Variants in ATXN2 observed in about 807,000 individuals in gnomAD.
The protein encoded by ATXN2 is ataxin-2.
A neutral mutation model predicts 138.6 loss-of-function variants in ATXN2; 37 were observed. That is an observed-to-expected ratio of 0.27 (90% CI 0.21 to 0.35). ATXN2 has a LOEUF of 0.35. Ranked by LOEUF, ATXN2 falls within the 10% of genes least tolerant of loss-of-function variation. The pLI is 1.00. For missense variants in ATXN2, 1,216 were observed against 1,480.3 expected, an observed-to-expected ratio of 0.82 and a Z score of 2.93; for synonymous variants, 549 against 543.7, an observed-to-expected ratio of 1.01 and a Z score of -0.13.
rs766981349 is a variant in ATXN2 at position 111,516,181 on chromosome 12, T to C, written c.1348A>G (p.Thr450Ala). The C allele has an allele frequency of 1.0e-5, 16 of 1,588,934 alleles. No homozygotes were observed. The highest frequency in any genetic ancestry group is 6.0e-6 in the Non-Finnish European group (7 of 1,173,180). Residue 450 changes from threonine to alanine, a missense_variant, in exon 10 of 25, where the codon ACT becomes GCT. By Grantham distance (58) the Thr-to-Ala change is moderately conservative (BLOSUM62 0). Around this residue, in one of 4 missense-constraint regions of ATXN2, gnomAD observed 401 missense variants for 528.1 expected, o/e 0.76. Coordinates refer to ENST00000673436, the MANE Select transcript of ATXN2 (RefSeq NM_001372574.1). This position sits in a 1 kb window ranked among gnomAD's most constrained non-coding sequence, Gnocchi z 5.0. Reference protein sequence around the residue: ...SAHGSPAPVSTMPKRMSSEGP... With the variant: ...SAHGSPAPVSAMPKRMSSEGP... ...TCTGAAGACATGCGTTTAGGCATAG[T>C]AGAGACAGGAGCTGGAGAACCATGA... is the stretch of plus-strand genomic sequence containing the variant.
At chr12:111,546,728 A>C (rs528152047) in intron 5 of ATXN2, among the ~76,000 whole-genome samples, 5 of 152,362 alleles carry the variant, frequency 3.3e-5, no homozygotes, top group Admixed American at 3.3e-4. Context: ...ATAACAGGAC[A>C]ATTCCAAAGA....
chr12:111,482,596 CT>C (rs1421385156), intron 18 of ATXN2, among the ~76,000 whole-genome samples: 1 of 151,984 alleles, frequency 6.6e-6, no homozygotes, highest in Non-Finnish European at 1.5e-5. Flanking sequence ...CTACAGTAAC[CT>C]TTTATATTTT....
At chr12:111,545,578 GAA>G (rs1299915117) in intron 5 of ATXN2, among the ~76,000 whole-genome samples, 1 of 151,758 alleles carries the variant, frequency 6.6e-6, no homozygotes, top group Non-Finnish European at 1.5e-5. Context: ...AAAAGAAAAA[GAA>G]AAAGAGAACA....
chr12:111,586,826 T>G (rs2135841649), intron 1 of ATXN2, among the ~76,000 whole-genome samples: 1 of 152,218 alleles, frequency 6.6e-6, no homozygotes, highest in East Asian at 1.9e-4. Context: ...CAGCTAAGTC[T>G]TTCAACTTTC....
At chr12:111,562,749 A>T (rs1882771271) in intron 1 of ATXN2, among the ~76,000 whole-genome samples, 1 of 149,590 alleles carries the variant, frequency 6.7e-6, no homozygotes, top group Admixed American at 6.7e-5. Context: ...AAAAAAATGT[A>T]GACAGAATGA....
intron 5 of ATXN2, among the ~76,000 whole-genome samples, chr12:111,548,811 C>T (rs917862587): frequency 5.3e-5 from 8 of 152,096 alleles, no homozygotes; most frequent in Admixed American, 2.0e-4. Flanking sequence ...CTCTGCCTCC[C>T]GGGTTCAAGC....
At chr12:111,567,579 C>A (rs1445216420) in intron 1 of ATXN2, among the ~76,000 whole-genome samples, 1 of 150,954 alleles carries the variant, frequency 6.6e-6, no homozygotes. Context: ...TTTGGGAGAC[C>A]AAGGCGGGCA....
chr12:111,561,957 G>A (rs867400188), intron 1 of ATXN2, among the ~76,000 whole-genome samples: 1 of 151,590 alleles, frequency 6.6e-6, no homozygotes, highest in African/African-American at 2.4e-5. Flanking sequence ...GACTACAGGC[G>A]TGTGCCACCA....
At chr12:111,460,723 A>G (rs1442130801) in intron 21 of ATXN2, among the ~76,000 whole-genome samples, 2 of 152,230 alleles carry the variant, frequency 1.3e-5, no homozygotes, top group Non-Finnish European at 2.9e-5. Context: ...ATGAAATCTC[A>G]TAATTTAAGT....
At chr12:111,537,889 AGT>A (rs1881281302) in intron 5 of ATXN2, among the ~76,000 whole-genome samples, 1 of 151,986 alleles carries the variant, frequency 6.6e-6, no homozygotes, top group Admixed American at 6.6e-5. Context: ...TGAGGCCCAG[AGT>A]TTGAGACCAG....
At chr12:111,589,183 C>T (rs1347096838) in intron 1 of ATXN2, among the ~76,000 whole-genome samples, 7 of 150,772 alleles carry the variant, frequency 4.6e-5, no homozygotes, top group Non-Finnish European at 1.0e-4. Context: ...GGCATGGTGG[C>T]ACACAGCTGT....
At chr12:111,532,204 G>A (rs1223486446) in intron 5 of ATXN2, among the ~76,000 whole-genome samples, 1 of 152,148 alleles carries the variant, frequency 6.6e-6, no homozygotes, top group Non-Finnish European at 1.5e-5. Flanking sequence ...TTTGAGGCCG[G>A]GTGCGGTGGC....
chr12:111,499,889 T>A (rs529480297), intron 14 of ATXN2, among the ~76,000 whole-genome samples: 1 of 151,830 alleles, frequency 6.6e-6, no homozygotes, highest in Non-Finnish European at 1.5e-5. Context: ...ACCAGAAAAA[T>A]GGAAATTAAA....
intron 10 of ATXN2, among the ~76,000 whole-genome samples, chr12:111,515,846 G>C (rs1487619881): frequency 6.6e-6 from 1 of 152,142 alleles, no homozygotes; most frequent in African/African-American, 2.4e-5. Context: ...TTTAACTACT[G>C]TATACAGTGC....
chr12:111,585,712 G>A (rs73414496), intron 1 of ATXN2, among the ~76,000 whole-genome samples: 15,184 of 140,654 alleles, frequency 0.11, 2,559 homozygotes, highest in African/African-American at 0.36. Flanking sequence ...TCAGGCAGGA[G>A]AACTGCTTGA....
At chr12:111,520,409 T>G (rs558377547) in intron 7 of ATXN2, among the ~76,000 whole-genome samples, 1 of 152,110 alleles carries the variant, frequency 6.6e-6, no homozygotes, top group Non-Finnish European at 1.5e-5. Flanking sequence ...TCCCAGCACT[T>G]TGGGAGGCCG....
intron 1 of ATXN2, chr12:111,597,803 C>A: frequency 8.2e-7 from 1 of 1,217,480 alleles, no homozygotes; most frequent in Middle Eastern, 2.2e-4. Flanking sequence ...TCTCTCCTAG[C>A]ATTTCCGAAA....
chr12:111,529,168 T>G lies in ATXN2; in HGVS notation c.572-3852A>C, dbSNP rs532908135. ...ACACTGTTGGTAGTAAATAGTACAATGTTGTAACCAGGATTCCTGCAAAGT... is the reference window on the plus strand; with the variant it reads ...ACACTGTTGGTAGTAAATAGTACAAGGTTGTAACCAGGATTCCTGCAAAGT... On this transcript the variant is annotated intron_variant, in intron 5 of 24. Coordinates refer to ENST00000673436, the MANE Select transcript of ATXN2 (RefSeq NM_001372574.1). Among the ~76,000 whole-genome samples, 23 of 151,982 alleles carry G rather than the reference T, an allele frequency of 1.5e-4. No individual in the cohort carries two copies. The South Asian group carries it at 4.6e-3, about 30-fold the overall frequency.
chr12:111,536,712 T>A (rs530470743), intron 5 of ATXN2, among the ~76,000 whole-genome samples: 43 of 151,980 alleles, frequency 2.8e-4, no homozygotes, highest in African/African-American at 9.9e-4. Context: ...CAGGTATGTG[T>A]ATGTATGTAT....
Sources: allele counts gnomAD v4.1 joint callset (sites outside exome capture counted in the v4.1 genomes callset), GRCh38; gene constraint gnomAD v4.1.1; regional missense constraint gnomAD v4.1.1; non-coding constraint Gnocchi (gnomAD v3.1); transcripts MANE v1.5; gene names NCBI Gene and HGNC (gene_info 2026-07-23, HGNC 2026-07-21).